Variants in GABRB1 observed in about 807,000 individuals in gnomAD.
The protein encoded by GABRB1 is gamma-aminobutyric acid receptor subunit beta-1.
Under a neutral mutation model 51.6 loss-of-function variants are expected in GABRB1, and 17 were observed. The ratio of observed to expected loss-of-function variants is 0.33; its 90% CI spans 0.23 to 0.49. GABRB1 has a LOEUF of 0.49. Ranked by LOEUF, GABRB1 falls within the 20% of genes least tolerant of loss-of-function variation. The pLI, the probability that GABRB1 is intolerant of heterozygous loss-of-function variation, is 0.99. For synonymous variants in GABRB1, 247 were observed against 218.9 expected, an observed-to-expected ratio of 1.13 and a Z score of -1.14; for missense variants, 410 against 600.6, an observed-to-expected ratio of 0.68 and a Z score of 3.32.
At chr4:47,163,212 C>T (rs1718036466) in intron 4 of GABRB1, among the ~76,000 whole-genome samples, 1 of 151,716 alleles carries the variant, frequency 6.6e-6, no homozygotes. Flanking sequence ...GGGCTAATAC[C>T]CCCTTACTCA....
rs111359296 is a variant in GABRB1, at chr4:47,426,194, C to CA, written c.*186dup. On this transcript the variant is annotated 3_prime_UTR_variant, in exon 9 of 9. Coordinates refer to ENST00000295454, the MANE Select transcript of GABRB1 (RefSeq NM_000812.4). ...CCATGTTTACTTCAAAAAGACAAAACAAAAAAAAAATTATTTTTCCAGTCT... is the reference window on the plus strand; with the variant it reads ...CCATGTTTACTTCAAAAAGACAAAACAAAAAAAAAAATTATTTTTCCAGTCT... The CA allele has an allele frequency of 0.018, 7,931 of 449,036 alleles. 26 individuals are homozygous for CA. Among genetic ancestry groups the CA allele is most frequent in the Non-Finnish European group, 0.023 (5,929 of 260,478 alleles). The allele number at this position is 449,036 out of a possible 1,614,324, so 27.8% of individuals were successfully genotyped here. A position where few individuals can be genotyped will look rare whatever the true frequency, so the allele number is the denominator to read the frequency against.
intron 1 of GABRB1, among the ~76,000 whole-genome samples, chr4:47,009,077 G>A (rs1362648457): frequency 6.8e-6 from 1 of 147,680 alleles, no homozygotes; most frequent in Non-Finnish European, 1.5e-5. Context: ...TGTTAACCAG[G>A]ATGGTCTCCA....
At chr4:47,343,633 A>G (rs1173508578) in intron 5 of GABRB1, among the ~76,000 whole-genome samples, 2 of 152,190 alleles carry the variant, frequency 1.3e-5, no homozygotes, top group Non-Finnish European at 2.9e-5. Context: ...AGAATGGCTG[A>G]GAATGACTGA....
rs1304651097 is a variant in GABRB1 at position 47,006,032 on chromosome 4, A to T, written c.-20+12106A>T. On this transcript the variant is annotated intron_variant, in intron 1 of 3. Coordinates refer to the GABRB1 transcript ENST00000513567. ...TCACATCTTCTAATAAAGAAGCAATAATTTCTTTTGTTTTATTTTGCTTGG... is the reference window on the plus strand; with the variant it reads ...TCACATCTTCTAATAAAGAAGCAATTATTTCTTTTGTTTTATTTTGCTTGG... 3.3e-5 allele frequency among the ~76,000 whole-genome samples: 5 copies of T among 150,556 alleles called. No individual in the cohort carries two copies. In the South Asian group the frequency reaches 1.1e-3, roughly 32 times the overall value.
chr4:47,041,453 C>A (rs1725831684), intron 3 of GABRB1, among the ~76,000 whole-genome samples: 1 of 152,110 alleles, frequency 6.6e-6, no homozygotes, highest in Non-Finnish European at 1.5e-5. Context: ...ATCAGCTGTT[C>A]TTTCCCTACC....
At chr4:47,394,182 C>G (rs910072416) in intron 5 of GABRB1, among the ~76,000 whole-genome samples, 3 of 152,180 alleles carry the variant, frequency 2.0e-5, no homozygotes, top group African/African-American at 7.2e-5. Flanking sequence ...TCTGTCAGCC[C>G]TGTTTTTACT....
intron 4 of GABRB1, among the ~76,000 whole-genome samples, chr4:47,300,476 C>G (rs921873301): frequency 5.3e-5 from 8 of 151,984 alleles, no homozygotes; most frequent in Non-Finnish European, 4.4e-5. Flanking sequence ...TTTTCATAAT[C>G]TTAAATATTA....
chr4:47,282,078 T>G (rs577575491), intron 4 of GABRB1, among the ~76,000 whole-genome samples: 1 of 152,304 alleles, frequency 6.6e-6, no homozygotes, highest in African/African-American at 2.4e-5. Flanking sequence ...TTAAAATGAT[T>G]GATATGCTAA....
At chr4:47,358,226 G>A (rs73136015) in intron 5 of GABRB1, among the ~76,000 whole-genome samples, 2,979 of 152,114 alleles carry the variant, frequency 0.02, 116 homozygotes, top group African/African-American at 0.068. Context: ...GGATGTAAAT[G>A]TCTATAGGTA....
chr4:47,337,668 G>A (rs1725746377), intron 5 of GABRB1, among the ~76,000 whole-genome samples: 2 of 151,906 alleles, frequency 1.3e-5, no homozygotes, highest in Admixed American at 1.3e-4. Context: ...AAATCAGCTA[G>A]GTTTGGTGGC....
At chr4:47,085,641 A>G (rs532663565) in intron 3 of GABRB1, among the ~76,000 whole-genome samples, 1 of 152,332 alleles carries the variant, frequency 6.6e-6, no homozygotes, top group South Asian at 2.1e-4. Context: ...TATTGAATTT[A>G]TTATTGCTTC....
chr4:47,312,578 T>C (rs1724742900), intron 4 of GABRB1, among the ~76,000 whole-genome samples: 1 of 152,220 alleles, frequency 6.6e-6, no homozygotes. Flanking sequence ...CTGATATCAA[T>C]CTTGTAACAG....
At chr4:47,365,141 G>A (rs1188261160) in intron 5 of GABRB1, among the ~76,000 whole-genome samples, 1 of 152,070 alleles carries the variant, frequency 6.6e-6, no homozygotes, top group Non-Finnish European at 1.5e-5. Context: ...CCACCTCTCC[G>A]GTCCCTGTAT....
rs559278924 is a variant in GABRB1, at chr4:47,016,560, ATTAT to A, written c.-19-15329_-19-15326del. Among the ~76,000 whole-genome samples, 187 of 151,674 alleles carry A rather than the reference ATTAT, an allele frequency of 1.2e-3. 3 individuals are homozygous for A. Among genetic ancestry groups the A allele is most frequent in the Admixed American group, 5.5e-3 (84 of 15,234 alleles). On this transcript the variant is annotated intron_variant, in intron 1 of 3. Coordinates refer to the GABRB1 transcript ENST00000513567. ...GGTGACAAAATTTCTATCTGTGCAG[ATTAT>A]TTATTTATTTATTTATTTATTTATC...
chr4:47,230,244 G>A (rs564182610), intron 4 of GABRB1, among the ~76,000 whole-genome samples: 1 of 152,250 alleles, frequency 6.6e-6, no homozygotes, highest in East Asian at 1.9e-4. Flanking sequence ...TTGCATGACA[G>A]GAAGGAAGAA....
chr4:47,114,389 G>T (rs2109634867), intron 3 of GABRB1, among the ~76,000 whole-genome samples: 1 of 152,192 alleles, frequency 6.6e-6, no homozygotes, highest in East Asian at 1.9e-4. Context: ...TCTGGTCTTG[G>T]TGTCCCTACA....
intron 4 of GABRB1, among the ~76,000 whole-genome samples, chr4:47,241,750 G>T (rs1396382538): frequency 1.3e-5 from 2 of 152,088 alleles, no homozygotes; most frequent in Non-Finnish European, 2.9e-5. Context: ...TTTAACAAAG[G>T]TCTTGTTTTC....
intron 4 of GABRB1, among the ~76,000 whole-genome samples, chr4:47,296,932 A>T (rs1389986877): frequency 1.3e-5 from 2 of 152,340 alleles, no homozygotes; most frequent in Admixed American, 6.5e-5. Context: ...GTGCAATCAA[A>T]CTAGAACTCA....
chr4:47,173,619 A>G (rs1284765452), intron 4 of GABRB1, among the ~76,000 whole-genome samples: 1 of 152,198 alleles, frequency 6.6e-6, no homozygotes, highest in African/African-American at 2.4e-5. Context: ...TCAAAATTCT[A>G]AGTTATTTTA....
Sources: allele counts gnomAD v4.1 joint callset (sites outside exome capture counted in the v4.1 genomes callset), GRCh38; gene constraint gnomAD v4.1.1; transcripts MANE v1.5; gene names NCBI Gene and HGNC (gene_info 2026-07-23, HGNC 2026-07-21).